Variants in GRM8 observed in about 807,000 individuals in gnomAD.
GRM8 encodes the protein glutamate metabotropic receptor 8.
In GRM8, 47 loss-of-function variants were observed where a neutral mutation model predicts 87.2. The observed-to-expected ratio is 0.54, with a 90% CI of 0.43 to 0.69. The LOEUF is 0.69. Among genes scored for constraint, GRM8 ranks in the 30% least tolerant of loss-of-function variants. The pLI, the probability that GRM8 is intolerant of heterozygous loss-of-function variation, is 0.00. For synonymous variants in GRM8, 396 were observed against 404.5 expected (o/e 0.98, Z 0.25); for missense variants, 1,019 against 1,139.2 (o/e 0.89, Z 1.52).
At chr7:126,606,002 G>T (rs1358576174) in intron 8 of GRM8, among the ~76,000 whole-genome samples, 1 of 152,174 alleles carries the variant, frequency 6.6e-6, no homozygotes, top group East Asian at 1.9e-4. Context: ...AACAGAGTAT[G>T]AGCACAGACT....
chr7:126,523,850 A>T (rs1485660442), intron 9 of GRM8, among the ~76,000 whole-genome samples: 1 of 152,158 alleles, frequency 6.6e-6, no homozygotes, highest in Admixed American at 6.5e-5. Flanking sequence ...CAGGGTTTGT[A>T]TAATATTTAC....
At position 127,225,904 on chromosome 7, in the gene GRM8, C is replaced by T. The variant is rs576033050; in HGVS notation, c.510+16791G>A. On this transcript the variant is annotated intron_variant, in intron 2 of 10. Coordinates refer to ENST00000339582, the MANE Select transcript of GRM8 (RefSeq NM_000845.3). ...TAACTTTGTACCTCCTAGAAGAATG[C>T]TTCTAAAAACTTTCATTACACTTGT... is the stretch of plus-strand genomic sequence containing the variant. 5.3e-5 allele frequency among the ~76,000 whole-genome samples: 8 copies of T among 151,922 alleles called. No homozygotes were observed. The East Asian group carries it at 9.7e-4, about 18-fold the overall frequency.
At chr7:126,675,504 C>A (rs1806866927) in intron 7 of GRM8, among the ~76,000 whole-genome samples, 1 of 152,150 alleles carries the variant, frequency 6.6e-6, no homozygotes, top group African/African-American at 2.4e-5. Flanking sequence ...AAAATACTAG[C>A]AAGCTAAATC....
At chr7:126,608,569 T>A (rs1279121970) in intron 8 of GRM8, among the ~76,000 whole-genome samples, 1 of 151,762 alleles carries the variant, frequency 6.6e-6, no homozygotes, top group Non-Finnish European at 1.5e-5. Context: ...ACCTGAAGAG[T>A]GCCTGCGGTA....
intron 6 of GRM8, among the ~76,000 whole-genome samples, chr7:126,804,633 A>C (rs1466764218): frequency 6.6e-6 from 1 of 152,210 alleles, no homozygotes; most frequent in Non-Finnish European, 1.5e-5. Flanking sequence ...CAACGAAGAC[A>C]CCTGCATTTT....
intron 6 of GRM8, among the ~76,000 whole-genome samples, chr7:126,900,940 C>T (rs529570000): frequency 3.3e-5 from 5 of 152,104 alleles, no homozygotes; most frequent in Non-Finnish European, 5.9e-5. Context: ...CTTCTTGAAC[C>T]GAGTGTCTGA....
intron 2 of GRM8, among the ~76,000 whole-genome samples, chr7:127,137,443 A>G (rs1828005946): frequency 6.6e-6 from 1 of 152,170 alleles, no homozygotes; most frequent in Non-Finnish European, 1.5e-5. Flanking sequence ...CACAACACAT[A>G]GCATATAATA....
intron 8 of GRM8, among the ~76,000 whole-genome samples, chr7:126,599,970 G>T (rs1204871578): frequency 6.6e-6 from 1 of 152,082 alleles, no homozygotes; most frequent in Non-Finnish European, 1.5e-5. Flanking sequence ...ATGAATGGTG[G>T]ATGGACGAAT....
intron 7 of GRM8, among the ~76,000 whole-genome samples, chr7:126,699,031 C>T (rs1035400911): frequency 1.3e-5 from 2 of 152,078 alleles, no homozygotes; most frequent in African/African-American, 4.8e-5. Flanking sequence ...TTCTGAATGT[C>T]TGGTTTTATA....
intron 7 of GRM8, among the ~76,000 whole-genome samples, chr7:126,668,776 GT>G (rs557473722): frequency 1.3e-5 from 2 of 151,552 alleles, no homozygotes; most frequent in African/African-American, 2.4e-5. Context: ...AACTTTTAAA[GT>G]TTTTTTTTAG....
intron 6 of GRM8, among the ~76,000 whole-genome samples, chr7:126,848,559 C>T (rs1228958497): frequency 6.6e-6 from 1 of 152,156 alleles, no homozygotes; most frequent in Non-Finnish European, 1.5e-5. Context: ...TGATGGCTCA[C>T]ACCTGTAATC....
intron 2 of GRM8, among the ~76,000 whole-genome samples, chr7:127,171,199 A>C (rs1180825113): frequency 2.0e-5 from 3 of 152,188 alleles, no homozygotes; most frequent in Admixed American, 2.0e-4. Flanking sequence ...CTGCAATCTC[A>C]TGATAAAACT....
At chr7:127,107,164 A>AT (rs1825890686) in intron 2 of GRM8, among the ~76,000 whole-genome samples, 1 of 152,172 alleles carries the variant, frequency 6.6e-6, no homozygotes, top group Admixed American at 6.5e-5. Context: ...TTAATATAAG[A>AT]TTTTTTTATA....
chr7:126,921,694 T>C (rs1804550828), intron 3 of GRM8, among the ~76,000 whole-genome samples: 2 of 152,138 alleles, frequency 1.3e-5, no homozygotes, highest in Admixed American at 1.3e-4. Context: ...AAATGAGTTT[T>C]ATTTGAAATG....
chr7:127,011,845 T>G (rs1814928803), intron 3 of GRM8, among the ~76,000 whole-genome samples: 1 of 152,210 alleles, frequency 6.6e-6, no homozygotes, highest in Non-Finnish European at 1.5e-5. Flanking sequence ...AAGTGGATGA[T>G]GCAACTGGCA....
intron 9 of GRM8, among the ~76,000 whole-genome samples, chr7:126,496,797 G>A (rs1009562964): frequency 2.0e-5 from 3 of 151,786 alleles, no homozygotes; most frequent in Admixed American, 1.3e-4. Context: ...TAAATCACTT[G>A]AGTGTTTCTC....
At chr7:126,551,496 A>C (rs1792579326) in intron 8 of GRM8, among the ~76,000 whole-genome samples, 1 of 152,098 alleles carries the variant, frequency 6.6e-6, no homozygotes, top group Non-Finnish European at 1.5e-5. Flanking sequence ...TTCAATCCTG[A>C]TCTTGTTACT....
At chr7:127,169,902 A>G (rs1159335071) in intron 2 of GRM8, among the ~76,000 whole-genome samples, 1 of 152,194 alleles carries the variant, frequency 6.6e-6, no homozygotes, top group Non-Finnish European at 1.5e-5. Flanking sequence ...CTTTCAAAAT[A>G]TTATTGTTCG....
At chr7:126,792,640 C>T (rs1351038931) in intron 6 of GRM8, among the ~76,000 whole-genome samples, 2 of 152,220 alleles carry the variant, frequency 1.3e-5, no homozygotes, top group Non-Finnish European at 2.9e-5. Context: ...ATCTGCAACA[C>T]ATCTACAGTT....
Sources: allele counts gnomAD v4.1 joint callset (sites outside exome capture counted in the v4.1 genomes callset), GRCh38; gene constraint gnomAD v4.1.1; transcripts MANE v1.5; gene names NCBI Gene and HGNC (gene_info 2026-07-23, HGNC 2026-07-21).